CNTN3: variants seen among roughly 807,000 people sequenced by gnomAD.
CNTN3 encodes contactin 3, also known as contactin-3.
A neutral mutation model predicts 119.1 loss-of-function variants in CNTN3; 60 were observed. The observed-to-expected ratio is 0.50, with a 90% CI of 0.41 to 0.62. CNTN3 has a LOEUF of 0.62. Among genes scored for constraint, CNTN3 ranks in the 20% least tolerant of loss-of-function variants. The pLI, the probability that CNTN3 is intolerant of heterozygous loss-of-function variation, is 0.00. For synonymous variants in CNTN3, 450 were observed against 438.7 expected (o/e 1.03, Z -0.32); for missense variants, 1,101 against 1,242.4 (o/e 0.89, Z 1.71).
At chr3:74,272,612 T>C (rs1369356335) in intron 20 of CNTN3, among the ~76,000 whole-genome samples, 3 of 152,140 alleles carry the variant, frequency 2.0e-5, no homozygotes, top group Non-Finnish European at 4.4e-5. Context: ...TATACAAACA[T>C]GATTAGATCA....
intron 4 of CNTN3, among the ~76,000 whole-genome samples, chr3:74,469,703 T>A (rs1445321414): frequency 6.6e-6 from 1 of 152,084 alleles, no homozygotes; most frequent in Admixed American, 6.6e-5. Flanking sequence ...CAATAACAAA[T>A]GTTGGCTAGA....
intron 1 of CNTN3, among the ~76,000 whole-genome samples, chr3:74,530,043 A>G (rs900946631): frequency 3.9e-5 from 6 of 152,068 alleles, no homozygotes; most frequent in Admixed American, 2.0e-4. Context: ...TCATGGAAGG[A>G]GAGTGATCTT....
At chr3:74,288,096 C>T (rs1182435291) in intron 19 of CNTN3, among the ~76,000 whole-genome samples, 1 of 151,152 alleles carries the variant, frequency 6.6e-6, no homozygotes, top group East Asian at 2.0e-4. Flanking sequence ...TTTCCAGTGA[C>T]ATTTTCATAG....
chr3:74,554,138 C>T (rs556131645), intron 1 of CNTN3, among the ~76,000 whole-genome samples: 1 of 152,272 alleles, frequency 6.6e-6, no homozygotes, highest in South Asian at 2.1e-4. Flanking sequence ...CTGCATATGG[C>T]TAGCCAGTTT....
In CNTN3 at chr3:74,387,513, G is replaced by A. The variant is rs917488930; in HGVS notation, c.455-16114C>T. On this transcript the variant is annotated intron_variant, in intron 5 of 22. Coordinates refer to ENST00000263665, the MANE Select transcript of CNTN3 (RefSeq NM_020872.3). ...CAGCATGTTTTCTGCTAAATTAATC[G>A]GACAGAGCTAAGTTTGCCATGAAGG... Among the ~76,000 whole-genome samples, 7 of 152,154 alleles carry A rather than the reference G, an allele frequency of 4.6e-5. No homozygotes were observed. In the East Asian group the frequency reaches 1.3e-3, roughly 29 times the overall value.
chr3:74,546,704 C>T (rs753606683), intron 1 of CNTN3, among the ~76,000 whole-genome samples: 34 of 152,286 alleles, frequency 2.2e-4, no homozygotes, highest in Middle Eastern at 3.4e-3. Context: ...GGCGTCCCTA[C>T]TTTTGAGGTT....
chr3:74,499,533 C>A, intron 3 of CNTN3, 126 bp downstream of exon 3: 2 of 778,798 alleles, frequency 2.6e-6, no homozygotes, highest in Non-Finnish European at 3.9e-6. Flanking sequence ...ATATATCATA[C>A]AACTATAGCT....
chr3:74,526,760 G>A (rs188918772), intron 1 of CNTN3, among the ~76,000 whole-genome samples: 63 of 151,952 alleles, frequency 4.1e-4, no homozygotes, highest in Non-Finnish European at 1.9e-4. Context: ...AATGCCGGCT[G>A]GAAGTCATCC....
chr3:74,470,614 A>G (rs573734391), intron 4 of CNTN3, among the ~76,000 whole-genome samples: 2 of 152,256 alleles, frequency 1.3e-5, no homozygotes, highest in South Asian at 4.1e-4. Context: ...CCGGGCAAAC[A>G]TGAATGACAA....
At chr3:74,361,344 G>A (rs1704069470) in intron 11 of CNTN3, among the ~76,000 whole-genome samples, 1 of 152,126 alleles carries the variant, frequency 6.6e-6, no homozygotes, top group South Asian at 2.1e-4. Context: ...AGCAAGTAAA[G>A]GCAAAAATGA....
intron 14 of CNTN3, 53 bp from the exon 15 acceptor site, chr3:74,301,858 T>A: frequency 6.4e-7 from 1 of 1,573,754 alleles, no homozygotes; most frequent in South Asian, 1.1e-5. Context: ...AATGTCATCC[T>A]CTCCTATCAA....
intron 4 of CNTN3, among the ~76,000 whole-genome samples, chr3:74,480,100 A>C (rs114420863): frequency 0.015 from 2,215 of 152,190 alleles, 46 homozygotes; most frequent in African/African-American, 0.048. Flanking sequence ...ATTATGGCCC[A>C]ATAAAATCCT....
At chr3:74,335,223 T>C (rs181422771) in intron 12 of CNTN3, among the ~76,000 whole-genome samples, 1 of 152,198 alleles carries the variant, frequency 6.6e-6, no homozygotes, top group East Asian at 1.9e-4. Flanking sequence ...AACTTAGTTT[T>C]ATTGTTTTTT....
intron 3 of CNTN3, among the ~76,000 whole-genome samples, chr3:74,496,195 G>A (rs1346581037): frequency 6.6e-6 from 1 of 152,072 alleles, no homozygotes; most frequent in East Asian, 1.9e-4. Flanking sequence ...GGAAACACAA[G>A]GCCCACATGG....
intron 1 of CNTN3, among the ~76,000 whole-genome samples, chr3:74,557,966 T>C (rs1222213612): frequency 6.6e-6 from 1 of 152,160 alleles, no homozygotes; most frequent in Admixed American, 6.6e-5. Context: ...AGGGGTGGAC[T>C]GTAATAGTTC....
chr3:74,446,687 T>TTTG (rs1253357668), intron 4 of CNTN3, among the ~76,000 whole-genome samples: 2 of 151,450 alleles, frequency 1.3e-5, no homozygotes, highest in Non-Finnish European at 2.9e-5. Flanking sequence ...TTACTTGTTT[T>TTTG]TTTTTTTTTT....
At chr3:74,463,144 G>A (rs917051681) in intron 4 of CNTN3, among the ~76,000 whole-genome samples, 16 of 152,124 alleles carry the variant, frequency 1.1e-4, no homozygotes, top group African/African-American at 3.9e-4. Flanking sequence ...TTGGTTCAAT[G>A]AAGATCTGTA....
At chr3:74,307,272 T>C (rs981761449) in intron 13 of CNTN3, among the ~76,000 whole-genome samples, 5 of 152,234 alleles carry the variant, frequency 3.3e-5, no homozygotes, top group African/African-American at 9.6e-5. Flanking sequence ...TTCAAGTTCA[T>C]ATTTACATCT....
intron 1 of CNTN3, among the ~76,000 whole-genome samples, chr3:74,552,934 C>T (rs1704013293): frequency 6.6e-6 from 1 of 152,038 alleles, no homozygotes; most frequent in African/African-American, 2.4e-5. Context: ...TTAAACCTCA[C>T]TCCTTTCTTT....
Sources: gnomAD v4.1 joint callset for allele counts (sites outside exome capture counted in the v4.1 genomes callset) on GRCh38, gnomAD v4.1.1 for gene constraint, MANE v1.5 for transcripts, NCBI Gene and HGNC (gene_info 2026-07-23, HGNC 2026-07-21) for gene names.